Variants in PID1 observed in about 807,000 individuals in gnomAD.
The protein encoded by PID1 is PTB-containing, cubilin and LRP1-interacting protein.
In PID1, 10 loss-of-function variants were observed where a neutral mutation model predicts 19.1. The ratio of observed to expected loss-of-function variants is 0.52; its 90% confidence interval spans 0.32 to 0.89. PID1 has a LOEUF of 0.89. PID1 is among the 40% of genes least tolerant of loss of function. PID1 has a pLI of 0.03. For synonymous variants in PID1, 130 were observed against 116.0 expected (o/e 1.12, Z -0.78); for missense variants, 248 against 285.3 (o/e 0.87, Z 0.94).
intron 2 of PID1, among the ~76,000 whole-genome samples, chr2:229,048,423 T>C (rs545063361): frequency 6.6e-6 from 1 of 152,310 alleles, no homozygotes; most frequent in South Asian, 2.1e-4. Context: ...CAAAGGGGAC[T>C]TGAATTCCCT....
At chr2:229,173,828 T>A (rs1363040096) in intron 1 of PID1, among the ~76,000 whole-genome samples, 1 of 152,146 alleles carries the variant, frequency 6.6e-6, no homozygotes, top group East Asian at 1.9e-4. Flanking sequence ...GAAGCCCCAG[T>A]TCTCAATCAA....
At chr2:229,245,476 T>C (rs1157094265) in intron 1 of PID1, among the ~76,000 whole-genome samples, 2 of 152,142 alleles carry the variant, frequency 1.3e-5, no homozygotes, top group Non-Finnish European at 2.9e-5. Context: ...ATGAAGATGC[T>C]ACTTGTTTTA....
chr2:229,212,158 C>T (rs1691751718), intron 1 of PID1, among the ~76,000 whole-genome samples: 1 of 151,982 alleles, frequency 6.6e-6, no homozygotes, highest in Non-Finnish European at 1.5e-5. Context: ...GGGGATAGGA[C>T]AAAGAGAAAA....
chr2:229,025,628 T>C lies in PID1; in HGVS notation c.*4A>G. On this transcript the variant is annotated 3_prime_UTR_variant, in exon 3 of 3. Transcript: ENST00000392055. The stretch of plus-strand genomic sequence containing the variant: ...CTGCCTTTGCTGAAGCGTCTCAAGT[T>C]CATTCAGCCATCATCGGATTCCAAT... The C allele has an allele frequency of 6.3e-7, 1 of 1,597,988 alleles. No homozygotes were observed. The highest frequency in any genetic ancestry group is 8.6e-7 in the Non-Finnish European group (1 of 1,166,316).
At chr2:229,203,503 C>G (rs780054792) in intron 1 of PID1, among the ~76,000 whole-genome samples, 16 of 122,418 alleles carry the variant, frequency 1.3e-4, no homozygotes, top group Non-Finnish European at 2.6e-4. Flanking sequence ...CTTAAAGTCA[C>G]AGTTTCCAAG....
At chr2:229,239,196 A>G (rs1345798064) in intron 1 of PID1, among the ~76,000 whole-genome samples, 5 of 152,154 alleles carry the variant, frequency 3.3e-5, no homozygotes, top group Admixed American at 6.5e-5. Context: ...AGAGTTTCAG[A>G]TTTAGTAAGC....
At chr2:229,229,806 G>A (rs946744613) in intron 1 of PID1, among the ~76,000 whole-genome samples, 2 of 152,154 alleles carry the variant, frequency 1.3e-5, no homozygotes, top group Non-Finnish European at 2.9e-5. Context: ...TGGTGGAGCT[G>A]GGTTTCACCT....
intron 1 of PID1, among the ~76,000 whole-genome samples, chr2:229,192,689 C>A (rs1691286776): frequency 6.6e-6 from 1 of 152,044 alleles, no homozygotes; most frequent in African/African-American, 2.4e-5. Context: ...CATAGTGATA[C>A]CTATAATTTA....
At chr2:229,117,957 A>G (rs10933277) in intron 2 of PID1, among the ~76,000 whole-genome samples, 84,435 of 151,820 alleles carry the variant, frequency 0.56, 24,484 homozygotes, top group Admixed American at 0.64. Flanking sequence ...CCTCATTGCA[A>G]TCACAGTAAC....
intron 2 of PID1, among the ~76,000 whole-genome samples, chr2:229,065,548 CACACACACAAAG>C (rs1314261754): frequency 6.6e-6 from 1 of 151,936 alleles, no homozygotes; most frequent in Non-Finnish European, 1.5e-5. Context: ...AATACACATG[CACACACACAAAG>C]ACACACACAT....
Position 229,122,846 on chromosome 2 carries a change from T to C in PID1, c.177+32972A>G, listed in dbSNP as rs111462972. Reference sequence around the variant, plus strand: ...GGGAAAGGCCTCCAAAAGTTGATCATTGGAACAGTAAAGAGCTGTCATTCA... The same window carrying C: ...GGGAAAGGCCTCCAAAAGTTGATCACTGGAACAGTAAAGAGCTGTCATTCA... On this transcript the variant is annotated intron_variant, in intron 2 of 2. Coordinates refer to ENST00000392055, the MANE Select transcript of PID1 (RefSeq NM_001100818.2). Among the ~76,000 whole-genome samples, 709 of 152,258 alleles carry C rather than the reference T, an allele frequency of 4.7e-3. 4 individuals carry two copies. The highest frequency in any genetic ancestry group is 0.016 in the African/African-American group (684 of 41,552).
At chr2:229,113,695 A>T (rs954973584) in intron 2 of PID1, among the ~76,000 whole-genome samples, 5 of 151,476 alleles carry the variant, frequency 3.3e-5, no homozygotes, top group African/African-American at 4.9e-5. Context: ...TGAGGGTAAT[A>T]ATGGGCTGAG....
intron 1 of PID1, among the ~76,000 whole-genome samples, chr2:229,179,797 G>A (rs559675088): frequency 3.9e-5 from 6 of 152,318 alleles, no homozygotes; most frequent in African/African-American, 1.4e-4. Context: ...AGGCAGCTGC[G>A]TGTAGGTCAT....
At position 229,221,066 on chromosome 2, in the gene PID1, C is replaced by T. The variant is rs564351094; in HGVS notation, c.30+49948G>A. 2.8e-4 allele frequency among the ~76,000 whole-genome samples: 42 copies of T among 152,288 alleles called. No individual in the cohort carries two copies. In the South Asian group the frequency reaches 4.3e-3, roughly 16 times the overall value. Reference sequence around the variant, plus strand: ...CTTGTATTGCTGTTTAACTGCATCACGTACATACATCTGGTATCCCCATCC... The same window carrying T: ...CTTGTATTGCTGTTTAACTGCATCATGTACATACATCTGGTATCCCCATCC... On this transcript the variant is annotated intron_variant, in intron 1 of 2. Transcript: ENST00000392055.
intron 1 of PID1, among the ~76,000 whole-genome samples, chr2:229,164,706 G>A (rs1012456602): frequency 6.6e-6 from 1 of 152,170 alleles, no homozygotes; most frequent in Admixed American, 6.5e-5. Context: ...TGGCCCCTGA[G>A]AGATGTGAAA....
At chr2:229,113,594 A>ATGTG (rs1268629054) in intron 2 of PID1, among the ~76,000 whole-genome samples, 8 of 54,086 alleles carry the variant, frequency 1.5e-4, no homozygotes, top group African/African-American at 3.2e-4. Context: ...GTGTATGCAT[A>ATGTG]TATGTGTGTG....
At chr2:229,209,970 G>T (rs908918935) in intron 1 of PID1, among the ~76,000 whole-genome samples, 2 of 152,074 alleles carry the variant, frequency 1.3e-5, no homozygotes, top group African/African-American at 4.8e-5. Flanking sequence ...GAACATACAT[G>T]TTGAAAATCT....
chr2:229,092,475 C>CA (rs1213465514), intron 2 of PID1, among the ~76,000 whole-genome samples: 1 of 152,178 alleles, frequency 6.6e-6, no homozygotes, highest in Non-Finnish European at 1.5e-5. Flanking sequence ...CGCTATGGTG[C>CA]AGCTGGCCTT....
At chr2:229,098,455 C>T (rs545590936) in intron 2 of PID1, among the ~76,000 whole-genome samples, 55 of 152,284 alleles carry the variant, frequency 3.6e-4, no homozygotes, top group African/African-American at 1.3e-3. Flanking sequence ...TGACACATAT[C>T]TAAAGCACAT....
Sources: gnomAD v4.1 joint callset for allele counts (sites outside exome capture counted in the v4.1 genomes callset) on GRCh38, gnomAD v4.1.1 for gene constraint, MANE v1.5 for transcripts, NCBI Gene and HGNC (gene_info 2026-07-23, HGNC 2026-07-21) for gene names.